Variants in PPFIA2 observed in about 807,000 individuals in gnomAD.
The protein encoded by PPFIA2 is liprin-alpha-2.
Under a neutral mutation model 175.5 loss-of-function variants are expected in PPFIA2, and 46 were observed. The observed-to-expected ratio is 0.26, with a 90% CI of 0.21 to 0.34. The LOEUF (loss-of-function observed/expected upper bound fraction) is 0.34. PPFIA2 is among the 10% of genes least tolerant of loss of function. The pLI, the probability that PPFIA2 is intolerant of heterozygous loss-of-function variation, is 1.00. For synonymous variants in PPFIA2, 568 were observed against 511.4 expected, an observed-to-expected ratio of 1.11 and a Z score of -1.49; for missense variants, 1,179 against 1,506.1, an observed-to-expected ratio of 0.78 and a Z score of 3.60.
At chr12:81,680,483 T>TGTTCACTA (rs2073406821) in intron 3 of PPFIA2, among the ~76,000 whole-genome samples, 2 of 152,002 alleles carry the variant, frequency 1.3e-5, no homozygotes, top group African/African-American at 4.8e-5. Flanking sequence ...AGTTTCACCC[T>TGTTCACTA]GGTACCCTGG....
chr12:81,422,114 GTATATATA>G (rs2046359948), intron 7 of PPFIA2, among the ~76,000 whole-genome samples: 1 of 143,410 alleles, frequency 7.0e-6, no homozygotes, highest in Admixed American at 7.0e-5. Context: ...ATATATATGT[GTATATATA>G]TGTGTGTATA....
At chr12:81,705,625 G>A (rs1449957406) in intron 3 of PPFIA2, among the ~76,000 whole-genome samples, 1 of 152,088 alleles carries the variant, frequency 6.6e-6, no homozygotes, top group East Asian at 1.9e-4. Context: ...ATATCTCAGT[G>A]AATTAATACA....
At chr12:81,665,991 C>A (rs1464601800) in intron 4 of PPFIA2, among the ~76,000 whole-genome samples, 1 of 152,054 alleles carries the variant, frequency 6.6e-6, no homozygotes, top group Non-Finnish European at 1.5e-5. Flanking sequence ...ATTTATGCAG[C>A]CAAAAAACAC....
chr12:81,702,694 T>C (rs1390464287), intron 3 of PPFIA2, among the ~76,000 whole-genome samples: 3 of 152,162 alleles, frequency 2.0e-5, no homozygotes, highest in East Asian at 1.9e-4. Context: ...CCAGTTGTTA[T>C]AGACTAAATG....
intron 10 of PPFIA2, 56 bp downstream of exon 10, chr12:81,375,740 T>A: frequency 1.3e-6 from 2 of 1,512,076 alleles, no homozygotes. Context: ...TACTCCGTTT[T>A]GTGAGAATGA....
intron 2 of PPFIA2, among the ~76,000 whole-genome samples, chr12:81,755,906 T>C (rs974941096): frequency 2.6e-5 from 4 of 152,162 alleles, no homozygotes; most frequent in Non-Finnish European, 5.9e-5. Flanking sequence ...ACACACTTAA[T>C]GGATAAAACT....
At position 81,687,790 on chromosome 12, in the gene PPFIA2, T is replaced by C. The variant is rs140626401; in HGVS notation, c.250-10946A>G. The stretch of plus-strand genomic sequence containing the variant: ...AATAATTAATATTAATTTTAATAAT[T>C]CATGGAAAGCTACCTATTGATAACT... On this transcript the variant is annotated intron_variant, in intron 3 of 32. Coordinates refer to ENST00000549396, the MANE Select transcript of PPFIA2 (RefSeq NM_003625.5). 4.6e-3 allele frequency among the ~76,000 whole-genome samples: 697 copies of C among 151,904 alleles called. 10 individuals carry two copies. The highest frequency in any genetic ancestry group is 0.016 in the African/African-American group (654 of 41,506).
intron 4 of PPFIA2, among the ~76,000 whole-genome samples, chr12:81,471,654 T>C (rs116738644): frequency 0.015 from 2,280 of 152,034 alleles, 48 homozygotes; most frequent in East Asian, 0.044. Context: ...TCTTTGGTTA[T>C]ATACCCAGAA....
At chr12:81,496,002 G>A (rs1423262053) in intron 4 of PPFIA2, among the ~76,000 whole-genome samples, 2 of 152,280 alleles carry the variant, frequency 1.3e-5, no homozygotes, top group East Asian at 1.9e-4. Flanking sequence ...ACAAAGATAA[G>A]AAGTGATATT....
At chr12:81,358,251 C>A in intron 15 of PPFIA2, 34 bp from the exon 16 acceptor site, 1 of 1,539,820 alleles carries the variant, frequency 6.5e-7, no homozygotes, top group Non-Finnish European at 8.7e-7. Flanking sequence ...ATAATCCAAT[C>A]TCAAAAATTA....
chr12:81,712,704 T>G (rs1371785477), intron 3 of PPFIA2, among the ~76,000 whole-genome samples: 1 of 151,072 alleles, frequency 6.6e-6, no homozygotes, highest in African/African-American at 2.4e-5. Context: ...CCCTTCACTC[T>G]GACTCTAACA....
intron 4 of PPFIA2, among the ~76,000 whole-genome samples, chr12:81,483,032 T>C (rs2058426429): frequency 6.6e-6 from 1 of 152,174 alleles, no homozygotes; most frequent in Non-Finnish European, 1.5e-5. Flanking sequence ...AAATGTGAGA[T>C]AGAATAATTC....
intron 18 of PPFIA2, among the ~76,000 whole-genome samples, chr12:81,347,126 C>CT (rs34994320): frequency 8.6e-5 from 13 of 150,560 alleles, no homozygotes; most frequent in Non-Finnish European, 1.2e-4. Context: ...TTTTTCTTTT[C>CT]TTTTTTTTTG....
intron 18 of PPFIA2, 108 bp downstream of exon 18, chr12:81,347,425 T>C: frequency 2.1e-6 from 2 of 960,992 alleles, no homozygotes; most frequent in Non-Finnish European, 3.3e-6. Flanking sequence ...AAATAAACAA[T>C]AAAATACACA....
At chr12:81,537,005 A>G (rs535726507) in intron 4 of PPFIA2, among the ~76,000 whole-genome samples, 11 of 151,530 alleles carry the variant, frequency 7.3e-5, no homozygotes, top group African/African-American at 2.2e-4. Context: ...GTAAATATTG[A>G]TTTATTAAGT....
chr12:81,657,160 G>T (rs2067918167), intron 4 of PPFIA2, among the ~76,000 whole-genome samples: 2 of 152,148 alleles, frequency 1.3e-5, no homozygotes, highest in African/African-American at 4.8e-5. Flanking sequence ...CCAGATGAGT[G>T]CTCCTTAACA....
At chr12:81,600,626 G>T (rs1451383828) in intron 4 of PPFIA2, among the ~76,000 whole-genome samples, 1 of 151,720 alleles carries the variant, frequency 6.6e-6, no homozygotes, top group Non-Finnish European at 1.5e-5. Flanking sequence ...TTATTCAAAT[G>T]ATAATCAAAT....
chr12:81,591,677 T>C (rs1025265166), intron 4 of PPFIA2, among the ~76,000 whole-genome samples: 4 of 152,164 alleles, frequency 2.6e-5, no homozygotes, highest in African/African-American at 4.8e-5. Context: ...GGTGGAAGCC[T>C]GAAGCCTTGG....
At chr12:81,691,444 T>G (rs974315361) in intron 3 of PPFIA2, among the ~76,000 whole-genome samples, 3 of 152,168 alleles carry the variant, frequency 2.0e-5, no homozygotes, top group Non-Finnish European at 4.4e-5. Flanking sequence ...GTGGGAGGAC[T>G]CTGCCTTAAA....
Sources: gnomAD v4.1 joint callset for allele counts (sites outside exome capture counted in the v4.1 genomes callset) on GRCh38, gnomAD v4.1.1 for gene constraint, MANE v1.5 for transcripts, NCBI Gene and HGNC (gene_info 2026-07-23, HGNC 2026-07-21) for gene names.